Variants in HIVEP3 observed in about 807,000 individuals in gnomAD.
HIVEP3 encodes the protein HIVEP zinc finger 3, also known as transcription factor HIVEP3.
A neutral mutation model predicts 152.8 loss-of-function variants in HIVEP3; 49 were observed. The ratio of observed to expected loss-of-function variants is 0.32; its 90% CI spans 0.26 to 0.41. The LOEUF is 0.41. Ranked by LOEUF, HIVEP3 falls within the 10% of genes least tolerant of loss-of-function variation. The pLI, the probability that HIVEP3 is intolerant of heterozygous loss-of-function variation, is 1.00. For synonymous variants in HIVEP3, 1,269 were observed against 1,289.0 expected, an observed-to-expected ratio of 0.98 and a Z score of 0.33; for missense variants, 2,790 against 3,103.3, an observed-to-expected ratio of 0.90 and a Z score of 2.40.
chr1:41,700,498 C>T (rs543357324), intron 2 of HIVEP3, among the ~76,000 whole-genome samples: 4 of 152,344 alleles, frequency 2.6e-5, no homozygotes, highest in African/African-American at 9.6e-5. Flanking sequence ...ATGTGGTACA[C>T]AGCTGCAGTG....
At chr1:41,888,830 C>T (rs1046188160) in intron 1 of HIVEP3, among the ~76,000 whole-genome samples, 16 of 136,942 alleles carry the variant, frequency 1.2e-4, no homozygotes, top group East Asian at 2.3e-4. Flanking sequence ...CACACATATA[C>T]CACACACACA....
At position 41,545,770 on chromosome 1, in the gene HIVEP3, TCAC is replaced by T. The variant is rs1160650948; in HGVS notation, c.5208-20863_5208-20861del. 2.1e-3 allele frequency among the ~76,000 whole-genome samples: 97 copies of T among 46,234 alleles called. No individual in the cohort carries two copies. In the East Asian group the frequency reaches 0.043, roughly 20 times the overall value. 30.3% of individuals were successfully genotyped at this position (46,234 alleles called of 152,430 possible). A position where few individuals can be genotyped will look rare whatever the true frequency, so the allele number is the denominator to read the frequency against. ...ACCACTGCCACCACCACCACTACCA[TCAC>T]CACCACCACCACCACCACCATCACC... is the stretch of plus-strand genomic sequence containing the variant. On this transcript the variant is annotated intron_variant, in intron 5 of 8. Transcript: ENST00000372583.
chr1:41,708,983 A>T (rs1411250061), intron 1 of HIVEP3, among the ~76,000 whole-genome samples: 1 of 152,114 alleles, frequency 6.6e-6, no homozygotes, highest in Non-Finnish European at 1.5e-5. Flanking sequence ...CCCATTTTAG[A>T]GTTAAGGGAA....
intron 2 of HIVEP3, among the ~76,000 whole-genome samples, chr1:41,633,340 C>G (rs181316041): frequency 1.3e-5 from 2 of 152,170 alleles, no homozygotes; most frequent in African/African-American, 4.8e-5. Flanking sequence ...GCTAGCCTCA[C>G]CCAGCCGGGC....
intron 1 of HIVEP3, among the ~76,000 whole-genome samples, chr1:41,746,735 T>C (rs1469071714): frequency 6.6e-6 from 1 of 152,170 alleles, no homozygotes; most frequent in African/African-American, 2.4e-5. Context: ...CCTTCCCCTG[T>C]CTCTTGTCAT....
intron 5 of HIVEP3, among the ~76,000 whole-genome samples, chr1:41,559,124 G>A (rs1049419635): frequency 1.3e-5 from 2 of 151,906 alleles, no homozygotes; most frequent in African/African-American, 4.8e-5. Flanking sequence ...TGGAGCTTTG[G>A]CCCCGCTGCC....
Position 41,731,951 on chromosome 1 carries a change from T to C in HIVEP3, c.-800-30956A>G, listed in dbSNP as rs76582840. On this transcript the variant is annotated intron_variant, in intron 1 of 8. Transcript: ENST00000372583. ...AAATACTGGTTAAACAAGTGAATGA[T>C]TCCCCTGACCGAGTGTTTCTCTATG... is the stretch of plus-strand genomic sequence containing the variant. 4.1e-3 allele frequency among the ~76,000 whole-genome samples: 632 copies of C among 152,336 alleles called. 3 individuals carry two copies. Among genetic ancestry groups the C allele is most frequent in the African/African-American group, 0.011 (478 of 41,578 alleles).
Position 41,835,387 on chromosome 1 carries a change from C to T in HIVEP3, c.-801+83026G>A, listed in dbSNP as rs560273876. On this transcript the variant is annotated intron_variant, in intron 1 of 8. Coordinates refer to ENST00000372583, the MANE Select transcript of HIVEP3 (RefSeq NM_024503.5). ...CAGCATGGCCTTTCCTCCGTAAGGG[C>T]ATGCAAAGGAGAAAGTGAGCTCTCT... Among the ~76,000 whole-genome samples the T allele has an allele frequency of 2.0e-5, 3 of 152,308 alleles. No individual in the cohort carries two copies. The East Asian group carries it at 5.8e-4, about 29-fold the overall frequency.
intron 1 of HIVEP3, among the ~76,000 whole-genome samples, chr1:41,704,370 G>A (rs940610776): frequency 6.6e-6 from 1 of 152,280 alleles, no homozygotes; most frequent in Non-Finnish European, 1.5e-5. Context: ...ACTGGGCTCT[G>A]TGGAGGCGAG....
At position 41,582,521 on chromosome 1, in the gene HIVEP3, T is replaced by C. The variant is rs750876127; in HGVS notation, c.2277A>G (p.Glu759=). 6.2e-7 allele frequency: 1 copy of C among 1,611,760 alleles called. No homozygotes were observed. Among genetic ancestry groups the C allele is most frequent in the Admixed American group, 1.7e-5 (1 of 59,868 alleles). ...LPLESTKSPA[E]PSKSVPSLEG... is the part of the protein sequence containing the mutation. ...CCAAGGAGGGCACTGATTTACTTGG[T>C]TCTGCTGGTGACTTGGTGGACTCCA... is the stretch of plus-strand genomic sequence containing the variant. The change falls in exon 4 of 9, where the codon GAA becomes GAG. Residue 759 remains glutamate (E), a synonymous_variant. Coordinates refer to ENST00000372583, the MANE Select transcript of HIVEP3 (RefSeq NM_024503.5). The surrounding 1 kb of genome is among the most constrained non-coding windows in gnomAD (Gnocchi z 4.7).
intron 2 of HIVEP3, among the ~76,000 whole-genome samples, chr1:41,651,765 C>T (rs1436971406): frequency 6.6e-6 from 1 of 152,172 alleles, no homozygotes; most frequent in Non-Finnish European, 1.5e-5. Flanking sequence ...TAGATCTTCT[C>T]TATTTTTTAA....
chr1:41,830,128 T>C (rs1209644917), intron 1 of HIVEP3, among the ~76,000 whole-genome samples: 1 of 152,204 alleles, frequency 6.6e-6, no homozygotes, highest in Non-Finnish European at 1.5e-5. Context: ...ACAGAAGAAG[T>C]ATTTTTGTAC....
intron 1 of HIVEP3, among the ~76,000 whole-genome samples, chr1:41,829,313 AG>A (rs1642894380): frequency 6.6e-6 from 1 of 152,232 alleles, no homozygotes; most frequent in Non-Finnish European, 1.5e-5. Flanking sequence ...ACATTGATGT[AG>A]TGTTTTATCA....
At chr1:41,813,153 C>T (rs1391325125) in intron 1 of HIVEP3, among the ~76,000 whole-genome samples, 1 of 152,186 alleles carries the variant, frequency 6.6e-6, no homozygotes, top group Non-Finnish European at 1.5e-5. Context: ...ATTCTTCTGC[C>T]TCAGCCTCCC....
chr1:41,767,505 C>T (rs957774031), intron 1 of HIVEP3, among the ~76,000 whole-genome samples: 1 of 152,176 alleles, frequency 6.6e-6, no homozygotes, highest in African/African-American at 2.4e-5. Context: ...GTGTGGGCCC[C>T]ACCAGTTCTG....
rs532835872 is a variant in HIVEP3, at chr1:41,540,194, C to T, written c.5208-15284G>A. Among the ~76,000 whole-genome samples the T allele has an allele frequency of 2.0e-5, 3 of 152,218 alleles. No individual in the cohort carries two copies. In the South Asian group the frequency reaches 6.2e-4, roughly 32 times the overall value. On this transcript the variant is annotated intron_variant, in intron 5 of 8. Transcript: ENST00000372583. ...CTAGTAGCAGCTGACACTATGCGTA[C>T]ACCAGGTGCCTGGCCAACGCTGGGC... is the stretch of plus-strand genomic sequence containing the variant.
chr1:41,991,596 T>C (rs1570873982), intron 1 of HIVEP3, among the ~76,000 whole-genome samples: 2 of 149,988 alleles, frequency 1.3e-5, no homozygotes, highest in African/African-American at 4.9e-5. Flanking sequence ...CCATTCCTTC[T>C]GAAACTATTC....
intron 1 of HIVEP3, among the ~76,000 whole-genome samples, chr1:42,027,203 C>T (rs1307845052): frequency 6.6e-6 from 1 of 152,150 alleles, no homozygotes; most frequent in Non-Finnish European, 1.5e-5. Context: ...CACACATAAC[C>T]AACATCTAAT....
chr1:41,837,337 T>G (rs1009848887), intron 1 of HIVEP3, among the ~76,000 whole-genome samples: 2 of 152,254 alleles, frequency 1.3e-5, no homozygotes, highest in African/African-American at 2.4e-5. Context: ...ATTTTTATTA[T>G]TTTTTTGAGA....
Sources: gnomAD v4.1 joint callset for allele counts (sites outside exome capture counted in the v4.1 genomes callset) on GRCh38, gnomAD v4.1.1 for gene constraint, Gnocchi (gnomAD v3.1) non-coding constraint, MANE v1.5 for transcripts, NCBI Gene and HGNC (gene_info 2026-07-23, HGNC 2026-07-21) for gene names.